Variants in TMTC2 observed in about 807,000 individuals in gnomAD.
TMTC2 encodes transmembrane O-mannosyltransferase targeting cadherins 2.
In TMTC2, 43 loss-of-function variants were observed where a neutral mutation model predicts 82.4. That is an observed-to-expected ratio of 0.52 (90% CI 0.41 to 0.67). The LOEUF (loss-of-function observed/expected upper bound fraction) is 0.67. Ranked by LOEUF, TMTC2 falls within the 30% of genes least tolerant of loss-of-function variation. The pLI is 0.00. For missense variants in TMTC2, 919 were observed against 1,012.4 expected, an observed-to-expected ratio of 0.91 and a Z score of 1.25; for synonymous variants, 408 against 381.9, an observed-to-expected ratio of 1.07 and a Z score of -0.80.
intron 11 of TMTC2, among the ~76,000 whole-genome samples, chr12:83,086,582 AAG>A (rs1440796605): frequency 2.6e-5 from 4 of 152,190 alleles, no homozygotes; most frequent in Non-Finnish European, 5.9e-5. Flanking sequence ...AAATGCCTCA[AAG>A]ATATGGCAAG....
intron 11 of TMTC2, among the ~76,000 whole-genome samples, chr12:83,096,191 A>G (rs1884022708): frequency 1.3e-5 from 2 of 152,242 alleles, no homozygotes; most frequent in African/African-American, 4.8e-5. Context: ...GAAGTTTGCC[A>G]TAATCATACA....
intron 7 of TMTC2, among the ~76,000 whole-genome samples, chr12:82,985,334 G>C (rs984811941): frequency 6.6e-6 from 1 of 152,142 alleles, no homozygotes; most frequent in Non-Finnish European, 1.5e-5. Flanking sequence ...TTACAGGCAT[G>C]AGCCCCCTAT....
chr12:82,739,760 G>C (rs976442142), intron 1 of TMTC2, among the ~76,000 whole-genome samples: 7 of 149,016 alleles, frequency 4.7e-5, no homozygotes, highest in African/African-American at 1.2e-4. Flanking sequence ...AAGCGTCCAA[G>C]TTTATCTATC....
At chr12:83,085,835 T>G (rs147772276) in intron 11 of TMTC2, among the ~76,000 whole-genome samples, 9 of 152,318 alleles carry the variant, frequency 5.9e-5, no homozygotes, top group Admixed American at 5.2e-4. Context: ...GCTAATAAAT[T>G]TCCTACCACA....
At chr12:83,105,149 C>T (rs75969637) in intron 11 of TMTC2, among the ~76,000 whole-genome samples, 8,216 of 152,262 alleles carry the variant, frequency 0.054, 335 homozygotes, top group East Asian at 0.22. Flanking sequence ...ACTTCACGGT[C>T]CGTATTACCA....
intron 8 of TMTC2, among the ~76,000 whole-genome samples, chr12:83,027,314 G>A (rs1881224058): frequency 6.6e-6 from 1 of 152,054 alleles, no homozygotes; most frequent in African/African-American, 2.4e-5. Flanking sequence ...TCTTCCTCAT[G>A]CTTCCCTCCT....
At chr12:82,765,019 G>A (rs1370090202) in intron 1 of TMTC2, among the ~76,000 whole-genome samples, 1 of 151,904 alleles carries the variant, frequency 6.6e-6, no homozygotes, top group Non-Finnish European at 1.5e-5. Flanking sequence ...AATTTACATT[G>A]CCATGGTGAA....
At chr12:83,129,952 G>A (rs1206274965) in intron 11 of TMTC2, among the ~76,000 whole-genome samples, 1 of 152,116 alleles carries the variant, frequency 6.6e-6, no homozygotes, top group African/African-American at 2.4e-5. Flanking sequence ...CCTTTGAGTT[G>A]AAATAATAGA....
At chr12:83,036,478 C>CTTTT (rs1332894300) in intron 9 of TMTC2, among the ~76,000 whole-genome samples, 6 of 103,186 alleles carry the variant, frequency 5.8e-5, no homozygotes, top group South Asian at 6.1e-4. Context: ...GTCCCCGAGT[C>CTTTT]TTTTTTTTTT....
Position 83,132,481 on chromosome 12 carries a change from G to A in TMTC2, c.*92G>A. The A allele has an allele frequency of 7.0e-7, 1 of 1,430,246 alleles. No individual in the cohort carries two copies. The allele number at this position is 1,430,246 out of a possible 1,614,324, so 88.6% of individuals were successfully genotyped here. A position where few individuals can be genotyped will look rare whatever the true frequency, so the allele number is the denominator to read the frequency against. ...CAGCAGTGCTATGACAAGAGCTGGT[G>A]TTAGACTTCAAGACCAGGGCAGAGG... On this transcript the variant is annotated 3_prime_UTR_variant, in exon 12 of 12. Coordinates refer to ENST00000321196, the MANE Select transcript of TMTC2 (RefSeq NM_152588.3).
chr12:82,920,020 A>G (rs180840694), intron 3 of TMTC2, among the ~76,000 whole-genome samples: 49 of 152,278 alleles, frequency 3.2e-4, no homozygotes, highest in Non-Finnish European at 5.4e-4. Context: ...AGCTGCTTCC[A>G]TATTTTCAGG....
chr12:83,028,250 A>G (rs1323394360), intron 8 of TMTC2, among the ~76,000 whole-genome samples: 1 of 152,198 alleles, frequency 6.6e-6, no homozygotes, highest in Non-Finnish European at 1.5e-5. Context: ...ATACGTAGGT[A>G]GTATAATAGT....
At chr12:82,974,514 T>C (rs1024353035) in intron 7 of TMTC2, among the ~76,000 whole-genome samples, 2 of 152,124 alleles carry the variant, frequency 1.3e-5, no homozygotes, top group African/African-American at 4.8e-5. Context: ...AAAATCAGTG[T>C]CAAGGAAATG....
intron 1 of TMTC2, among the ~76,000 whole-genome samples, chr12:82,709,905 A>C (rs891245119): frequency 6.6e-6 from 1 of 152,232 alleles, no homozygotes; most frequent in African/African-American, 2.4e-5. Flanking sequence ...CAGAGGCAGT[A>C]AATTTGTTGG....
intron 11 of TMTC2, among the ~76,000 whole-genome samples, chr12:83,090,149 A>C (rs1428675820): frequency 6.6e-6 from 1 of 152,216 alleles, no homozygotes. Context: ...TGTGGCATTA[A>C]CATATCTAAT....
At chr12:83,061,508 A>G (rs1340496716) in intron 10 of TMTC2, among the ~76,000 whole-genome samples, 2 of 151,776 alleles carry the variant, frequency 1.3e-5, no homozygotes, top group Non-Finnish European at 2.9e-5. Context: ...GAAAAGTAGG[A>G]TAACTTTTCT....
chr12:82,724,381 G>A (rs1451908195), intron 1 of TMTC2, among the ~76,000 whole-genome samples: 2 of 151,876 alleles, frequency 1.3e-5, no homozygotes, highest in Non-Finnish European at 2.9e-5. Context: ...AACCCCCCGT[G>A]TTGAGGGAGG....
chr12:82,917,475 G>A (rs970787729), intron 3 of TMTC2, among the ~76,000 whole-genome samples: 2 of 151,994 alleles, frequency 1.3e-5, no homozygotes, highest in African/African-American at 2.4e-5. Flanking sequence ...CTTCTGTAAG[G>A]CATGGTTTCT....
At chr12:82,769,930 A>C (rs1877196047) in intron 1 of TMTC2, among the ~76,000 whole-genome samples, 1 of 152,026 alleles carries the variant, frequency 6.6e-6, no homozygotes, top group Non-Finnish European at 1.5e-5. Flanking sequence ...TTTTTTATGG[A>C]TATCTGAGTT....
Sources: gnomAD v4.1 joint callset for allele counts (sites outside exome capture counted in the v4.1 genomes callset) on GRCh38, gnomAD v4.1.1 for gene constraint, MANE v1.5 for transcripts, NCBI Gene and HGNC (gene_info 2026-07-23, HGNC 2026-07-21) for gene names.